The following NUCB2 variants were observed in gnomAD, a reference collection of about 807,000 sequenced individuals.
NUCB2 encodes nucleobindin 2.
In NUCB2, 48 loss-of-function variants were observed where a neutral mutation model predicts 57.9. The ratio of observed to expected loss-of-function variants is 0.83; its 90% confidence interval spans 0.66 to 1.05. NUCB2 has a LOEUF of 1.05. Among genes scored for constraint, NUCB2 ranks in the 50% least tolerant of loss-of-function variants. The pLI is 0.00. For synonymous variants in NUCB2, 139 were observed against 152.1 expected, an observed-to-expected ratio of 0.91 and a Z score of 0.64; for missense variants, 442 against 476.2, an observed-to-expected ratio of 0.93 and a Z score of 0.67.
exon 3 of NUCB2, chr11:17,349,742 C>T (rs1270507099): frequency 6.6e-6 from 1 of 152,186 alleles, no homozygotes; most frequent in Non-Finnish European, 1.5e-5. Context: ...GCAGTCTCTG[C>T]CATACTGTCC....
At chr11:17,282,188 C>CTATATCTATATCTA (rs1473007581) in intron 1 of NUCB2, among the ~76,000 whole-genome samples, 1 of 110,764 alleles carries the variant, frequency 9.0e-6, no homozygotes, top group Non-Finnish European at 1.8e-5. Context: ...CATAATAAAT[C>CTATATCTATATCTA]TATATCTATA....
chr11:17,314,609 C>T (rs1406565743), intron 10 of NUCB2, among the ~76,000 whole-genome samples: 1 of 152,158 alleles, frequency 6.6e-6, no homozygotes, highest in East Asian at 1.9e-4. Context: ...TGTCCATGGT[C>T]CATCCAATGA....
In NUCB2 at chr11:17,279,281, AT is replaced by A. The variant is rs1407314993; in HGVS notation, c.-156+2461del. ...TCACTTTCATTATTTCCAATCAAAAATTTTTTTTACAACCATGATGTGGTGA... is the reference window on the plus strand; with the variant it reads ...TCACTTTCATTATTTCCAATCAAAAATTTTTTTACAACCATGATGTGGTGA... On this transcript the variant is annotated intron_variant, in intron 1 of 13. Transcript: ENST00000529010. 2.0e-5 allele frequency among the ~76,000 whole-genome samples: 3 copies of A among 152,060 alleles called. No homozygotes were observed. In the South Asian group the frequency reaches 6.2e-4, roughly 32 times the overall value.
intron 6 of NUCB2, 123 bp downstream of exon 6, chr11:17,309,798 G>A (rs774504298): frequency 3.4e-5 from 20 of 589,160 alleles, no homozygotes; most frequent in Non-Finnish European, 5.2e-5. Context: ...TTAAAGGAAG[G>A]TAGCTTAACC....
Position 17,315,387 on chromosome 11 carries a change from T to G in NUCB2, c.914T>G (p.Val305Gly), listed in dbSNP as rs1276896170. 6.3e-7 allele frequency: 1 copy of G among 1,585,150 alleles called. No homozygotes were observed. The highest frequency in any genetic ancestry group is 8.6e-7 in the Non-Finnish European group (1 of 1,156,820). Residue 305 changes from valine to glycine, a missense_variant and splice_region_variant, in exon 11 of 14, where the codon GTT becomes GGT. Physicochemically the swap from Val to Gly is moderately radical, Grantham distance 109. Coordinates refer to ENST00000529010, the MANE Select transcript of NUCB2 (RefSeq NM_005013.4). ...LRMREHVMNE[V>G]DTNKDRLVTL... ...ATGTATACATTTTGTTTTAATCAGG[T>G]TGATACTAACAAAGACAGATTGGTG...
At position 17,295,258 on chromosome 11, in the gene NUCB2, C is replaced by T. The variant is rs547553039; in HGVS notation, c.1-66C>T. 4.1e-5 allele frequency: 55 copies of T among 1,349,838 alleles called. No individual in the cohort carries two copies. In the South Asian group the frequency reaches 7.4e-4, roughly 18 times the overall value. The allele number at this position is 1,349,838 out of a possible 1,614,324, so 83.6% of individuals were successfully genotyped here. On this transcript the variant is annotated intron_variant, in intron 2 of 13. Transcript: ENST00000529010. ...TTAAATATATGATTAATGTGACATT[C>T]GGAATGCATGTATATAGAGTTAAAA...
chr11:17,318,464 T>C (rs932834647), intron 11 of NUCB2, among the ~76,000 whole-genome samples: 2 of 152,236 alleles, frequency 1.3e-5, no homozygotes, highest in African/African-American at 4.8e-5. Flanking sequence ...TTTACTGCTA[T>C]TTTAAAAAGA....
intron 5 of NUCB2, among the ~76,000 whole-genome samples, chr11:17,303,512 A>C (rs1252770196): frequency 6.6e-6 from 1 of 152,244 alleles, no homozygotes; most frequent in Non-Finnish European, 1.5e-5. Context: ...AATAAATATT[A>C]GAATCCTTAT....
At chr11:17,332,527 C>G (rs550374988), downstream of NUCB2, 1 of 147,374 alleles carries the variant, frequency 6.8e-6, no homozygotes, top group South Asian at 2.3e-4. Flanking sequence ...ACCCCTCTCT[C>G]CCTGAAGAGA....
In NUCB2 at chr11:17,345,434, T is replaced by C. The variant is rs557714093; in HGVS notation, n.2627-3911T>C. ...TAAAAATGTAACCTTTTTGGCTGGG[T>C]GCGGTGGCTCACGCCTGTAATCCCA... On this transcript the variant is annotated intron_variant and non_coding_transcript_variant, in intron 2 of 2. Coordinates refer to the NUCB2 transcript ENST00000532240. 4.0e-3 allele frequency among the ~76,000 whole-genome samples: 611 copies of C among 152,300 alleles called. 2 individuals are homozygous for C. The highest frequency in any genetic ancestry group is 6.0e-3 in the African/African-American group (250 of 41,568).
intron 4 of NUCB2, among the ~76,000 whole-genome samples, 176 bp from the exon 5 acceptor site, chr11:17,301,568 C>G (rs1038258381): frequency 6.6e-5 from 10 of 152,178 alleles, no homozygotes; most frequent in Non-Finnish European, 1.3e-4. Flanking sequence ...CGTGAGCCAC[C>G]ACGCCCGGCC....
downstream of NUCB2, chr11:17,334,035 C>G (rs534966154): frequency 6.6e-6 from 1 of 152,356 alleles, no homozygotes; most frequent in Admixed American, 6.5e-5. Flanking sequence ...ACCTTGACTT[C>G]TGTTGGCAAG....
At chr11:17,333,468 T>G (rs1400496733), downstream of NUCB2, 1 of 152,286 alleles carries the variant, frequency 6.6e-6, no homozygotes, top group Non-Finnish European at 1.5e-5. Flanking sequence ...TTTAGTAAGT[T>G]TCTGGTCTGT....
intron 10 of NUCB2, among the ~76,000 whole-genome samples, chr11:17,313,727 T>C (rs1219825915): frequency 6.6e-6 from 1 of 152,172 alleles, no homozygotes; most frequent in Non-Finnish European, 1.5e-5. Flanking sequence ...CTTTCTTCAC[T>C]TGGCTTTTAG....
chr11:17,278,128 C>T (rs915680399), intron 1 of NUCB2, among the ~76,000 whole-genome samples: 2 of 149,504 alleles, frequency 1.3e-5, no homozygotes, highest in Non-Finnish European at 3.0e-5. Flanking sequence ...TTTCTGTCTC[C>T]GTGTGTTTAC....
chr11:17,329,993 C>G (rs1246910010), intron 11 of NUCB2, 134 bp from the exon 12 acceptor site: 1 of 441,772 alleles, frequency 2.3e-6, no homozygotes, highest in African/African-American at 2.0e-5. Context: ...ACTTATTTCC[C>G]CTTCCTTCTT....
At chr11:17,337,345 T>C (rs957694906) in intron 1 of NUCB2, 4 of 152,208 alleles carry the variant, frequency 2.6e-5, no homozygotes, top group Non-Finnish European at 4.4e-5. Context: ...CTTTGTTTTA[T>C]AGCCATGAAG....
At chr11:17,295,296 CTT>C (rs1432747280) in intron 2 of NUCB2, 26 bp from the exon 3 acceptor site, 29 of 1,589,570 alleles carry the variant, frequency 1.8e-5, no homozygotes, top group Non-Finnish European at 2.3e-5. Flanking sequence ...TTATTCATGA[CTT>C]TACCATAATT....
intron 11 of NUCB2, among the ~76,000 whole-genome samples, chr11:17,322,473 C>T (rs143718381): frequency 6.2e-4 from 95 of 152,156 alleles, no homozygotes; most frequent in East Asian, 2.1e-3. Context: ...TATGCCAGTA[C>T]GATTGTGTTT....
Sources: gnomAD v4.1 joint callset for allele counts (sites outside exome capture counted in the v4.1 genomes callset) on GRCh38, gnomAD v4.1.1 for gene constraint, MANE v1.5 for transcripts, NCBI Gene and HGNC (gene_info 2026-07-23, HGNC 2026-07-21) for gene names.